Variants in CTNNA2 observed in about 807,000 individuals in gnomAD.
CTNNA2 encodes catenin alpha 2, also known as catenin alpha-2.
CTNNA2 carries 42 observed loss-of-function variants against 101.0 expected under a neutral mutation model. The ratio of observed to expected loss-of-function variants is 0.42; its 90% CI spans 0.32 to 0.54. CTNNA2 has a LOEUF of 0.54. Ranked by LOEUF, CTNNA2 falls within the 20% of genes least tolerant of loss-of-function variation. CTNNA2 has a pLI of 0.14. For missense variants in CTNNA2, 871 were observed against 1,223.1 expected, an observed-to-expected ratio of 0.71 and a Z score of 4.29; for synonymous variants, 450 against 456.4, an observed-to-expected ratio of 0.99 and a Z score of 0.18.
chr2:80,445,167 G>A (rs774864365), intron 9 of CTNNA2, among the ~76,000 whole-genome samples: 5 of 151,858 alleles, frequency 3.3e-5, no homozygotes, highest in Non-Finnish European at 7.4e-5. Context: ...TTGTTTGTTT[G>A]TTTTTAATTT....
intron 7 of CTNNA2, among the ~76,000 whole-genome samples, chr2:79,984,958 C>T (rs1691658464): frequency 6.6e-6 from 1 of 152,208 alleles, no homozygotes; most frequent in African/African-American, 2.4e-5. Flanking sequence ...GGAACACAGC[C>T]ATGCCCATTT....
intron 7 of CTNNA2, among the ~76,000 whole-genome samples, chr2:80,247,788 T>G (rs2149101002): frequency 6.6e-6 from 1 of 152,230 alleles, no homozygotes; most frequent in African/African-American, 2.4e-5. Context: ...TAACTTAGAT[T>G]ATGTAGGTGG....
intron 9 of CTNNA2, 73 bp from the exon 10 acceptor site, chr2:80,544,909 G>A (rs901280507): frequency 7.9e-7 from 1 of 1,263,582 alleles, no homozygotes; most frequent in South Asian, 1.4e-5. Flanking sequence ...TGCCAGAGAA[G>A]GTCCAAGGCG....
intron 3 of CTNNA2, among the ~76,000 whole-genome samples, chr2:79,803,096 G>A (rs1489223503): frequency 6.6e-6 from 1 of 152,156 alleles, no homozygotes; most frequent in East Asian, 1.9e-4. Context: ...TTTCTGAAAT[G>A]TAAATTGATA....
intron 8 of CTNNA2, among the ~76,000 whole-genome samples, chr2:80,417,429 CCTGTATTGA>C (rs2149403494): frequency 6.6e-6 from 1 of 151,402 alleles, no homozygotes; most frequent in East Asian, 1.9e-4. Flanking sequence ...CCCTGGTAGC[CCTGTATTGA>C]CTTTTCTTTG....
At chr2:80,545,126 C>T in intron 10 of CTNNA2, 52 bp downstream of exon 10, 1 of 1,544,064 alleles carries the variant, frequency 6.5e-7, no homozygotes, top group Non-Finnish European at 8.9e-7. Context: ...TTCTCCACTC[C>T]AGCCCTTGTG....
intron 7 of CTNNA2, among the ~76,000 whole-genome samples, chr2:80,318,613 A>G (rs992431873): frequency 6.6e-6 from 1 of 152,236 alleles, no homozygotes; most frequent in Non-Finnish European, 1.5e-5. Context: ...TGAAGGAAAC[A>G]TGCAATACAA....
intron 11 of CTNNA2, among the ~76,000 whole-genome samples, chr2:80,553,180 C>T (rs376305216): frequency 9.4e-5 from 14 of 149,490 alleles, no homozygotes; most frequent in African/African-American, 2.7e-4. Flanking sequence ...GCTGGGATTG[C>T]GTCACTGCAC....
rs73938419 is a variant in CTNNA2, at chr2:79,927,950, A to G, written c.1056+18153A>G. On this transcript the variant is annotated intron_variant, in intron 7 of 18. Coordinates refer to ENST00000402739, the MANE Select transcript of CTNNA2 (RefSeq NM_001282597.3). ...TTGGTGGTCATTTTTGGCTCAATAT[A>G]TGGAGCATAATAACTTCCAGGTTGT... 2.6e-3 allele frequency among the ~76,000 whole-genome samples: 401 copies of G among 152,286 alleles called. 1 individual carries two copies. The highest frequency in any genetic ancestry group is 9.3e-3 in the African/African-American group (388 of 41,566).
chr2:79,872,716 A>T (rs547012697), intron 5 of CTNNA2, among the ~76,000 whole-genome samples: 4 of 152,322 alleles, frequency 2.6e-5, no homozygotes, highest in Admixed American at 1.3e-4. Flanking sequence ...TTGTCTCAGA[A>T]TTGTTTTGAC....
chr2:80,187,483 A>G (rs1302836818), intron 7 of CTNNA2, among the ~76,000 whole-genome samples: 1 of 152,232 alleles, frequency 6.6e-6, no homozygotes, highest in Non-Finnish European at 1.5e-5. Flanking sequence ...TTGCTCATCT[A>G]TACTTCCCGT....
intron 7 of CTNNA2, among the ~76,000 whole-genome samples, chr2:80,204,718 A>G (rs978073375): frequency 6.6e-6 from 1 of 151,582 alleles, no homozygotes; most frequent in Non-Finnish European, 1.5e-5. Flanking sequence ...AGTAGCTTCC[A>G]TGTTTTTGGG....
At chr2:79,745,576 C>A (rs1671590016) in intron 3 of CTNNA2, among the ~76,000 whole-genome samples, 1 of 152,308 alleles carries the variant, frequency 6.6e-6, no homozygotes, top group African/African-American at 2.4e-5. Context: ...ACCCATTAAA[C>A]TATTTCCCAT....
chr2:80,380,060 G>A lies in CTNNA2; in HGVS notation c.1057-13151G>A, dbSNP rs1412012136. Among the ~76,000 whole-genome samples, 4 of 125,450 alleles carry A rather than the reference G, an allele frequency of 3.2e-5. 1 individual carries two copies. The South Asian group carries it at 7.6e-4, about 24-fold the overall frequency. The allele number at this position is 125,450 out of a possible 152,430, so 82.3% of individuals were successfully genotyped here. A position where few individuals can be genotyped will look rare whatever the true frequency, so the allele number is the denominator to read the frequency against. ...TTTTTTTTTTTTTTTTTTTTGAGAC[G>A]GAGTCTCACTCTGTCGCCCAGGCTG... is the stretch of plus-strand genomic sequence containing the variant. On this transcript the variant is annotated intron_variant, in intron 7 of 18. Transcript: ENST00000402739.
At chr2:79,598,922 T>A (rs1291772515) in intron 1 of CTNNA2, among the ~76,000 whole-genome samples, 1 of 152,172 alleles carries the variant, frequency 6.6e-6, no homozygotes, top group Admixed American at 6.5e-5. Flanking sequence ...CTTTTAGAAG[T>A]TTTATAGTTT....
chr2:79,481,503 A>T (rs552412804), intron 4 of CTNNA2, among the ~76,000 whole-genome samples: 9 of 152,316 alleles, frequency 5.9e-5, no homozygotes, highest in Admixed American at 3.9e-4. Context: ...GAAGTTTACA[A>T]TACTGTAATG....
intron 2 of CTNNA2, among the ~76,000 whole-genome samples, chr2:79,668,246 C>CAA (rs34348942): frequency 0.17 from 11,677 of 69,166 alleles, 1,806 homozygotes; most frequent in Non-Finnish European, 0.23. Flanking sequence ...GACTCCGTCT[C>CAA]AAAAAAAAAA....
At chr2:80,199,445 C>A (rs1166330799) in intron 7 of CTNNA2, among the ~76,000 whole-genome samples, 4 of 152,092 alleles carry the variant, frequency 2.6e-5, no homozygotes, top group African/African-American at 9.7e-5. Context: ...TTTCTAAGAT[C>A]ATCTCTGTCT....
intron 9 of CTNNA2, among the ~76,000 whole-genome samples, chr2:80,539,777 A>G (rs1176706285): frequency 6.6e-6 from 1 of 152,162 alleles, no homozygotes; most frequent in Non-Finnish European, 1.5e-5. Flanking sequence ...CAATTAGATC[A>G]CCAACGAGCT....
Sources: gnomAD v4.1 joint callset for allele counts (sites outside exome capture counted in the v4.1 genomes callset) on GRCh38, gnomAD v4.1.1 for gene constraint, MANE v1.5 for transcripts, NCBI Gene and HGNC (gene_info 2026-07-23, HGNC 2026-07-21) for gene names.